ARHGAP15: variants seen among roughly 807,000 people sequenced by gnomAD.
ARHGAP15 encodes the protein rho GTPase-activating protein 15.
ARHGAP15 carries 51 observed loss-of-function variants against 63.7 expected under a neutral mutation model. The ratio of observed to expected loss-of-function variants is 0.80; its 90% CI spans 0.64 to 1.01. The LOEUF (loss-of-function observed/expected upper bound fraction) is 1.01, where lower values mean the gene tolerates loss of function less well. Ranked by LOEUF, ARHGAP15 falls within the 50% of genes least tolerant of loss-of-function variation. ARHGAP15 has a pLI of 0.00. For missense variants in ARHGAP15, 560 were observed against 564.6 expected, an observed-to-expected ratio of 0.99 and a Z score of 0.08; for synonymous variants, 191 against 193.8, an observed-to-expected ratio of 0.99 and a Z score of 0.12.
chr2:143,416,926 C>T (rs991465331), intron 6 of ARHGAP15, among the ~76,000 whole-genome samples: 2 of 151,228 alleles, frequency 1.3e-5, no homozygotes, highest in Non-Finnish European at 2.9e-5. Context: ...TCACCTCTAA[C>T]CCCTCTTGGG....
chr2:143,150,821 G>C (rs562823887), intron 1 of ARHGAP15, among the ~76,000 whole-genome samples: 1 of 151,874 alleles, frequency 6.6e-6, no homozygotes, highest in Non-Finnish European at 1.5e-5. Flanking sequence ...GACATGAGTG[G>C]GTAACGTGTT....
At chr2:143,607,234 C>T (rs1264250822) in intron 11 of ARHGAP15, among the ~76,000 whole-genome samples, 2 of 152,150 alleles carry the variant, frequency 1.3e-5, no homozygotes, top group Non-Finnish European at 2.9e-5. Context: ...GAGAAGACAA[C>T]TCAAAAAGAG....
At chr2:143,568,264 C>T (rs1275787016) in intron 11 of ARHGAP15, among the ~76,000 whole-genome samples, 1 of 152,160 alleles carries the variant, frequency 6.6e-6, no homozygotes, top group Non-Finnish European at 1.5e-5. Context: ...TTTTTGCAAT[C>T]TACCCATCTG....
chr2:143,666,492 T>G (rs1682194620), intron 12 of ARHGAP15, among the ~76,000 whole-genome samples: 1 of 149,422 alleles, frequency 6.7e-6, no homozygotes, highest in Non-Finnish European at 1.5e-5. Context: ...GCATTACCAT[T>G]CAGGACATAG....
chr2:143,367,375 A>C (rs1295707605), intron 6 of ARHGAP15, among the ~76,000 whole-genome samples: 1 of 151,792 alleles, frequency 6.6e-6, no homozygotes, highest in Non-Finnish European at 1.5e-5. Context: ...TTTATTTGCC[A>C]TCTTTCCTTT....
chr2:143,711,579 C>G (rs556916650), intron 13 of ARHGAP15, among the ~76,000 whole-genome samples: 2 of 152,136 alleles, frequency 1.3e-5, no homozygotes, highest in African/African-American at 4.8e-5. Flanking sequence ...GAGCCTCTAA[C>G]GTTGTAAACA....
intron 12 of ARHGAP15, among the ~76,000 whole-genome samples, chr2:143,660,630 G>T (rs1203911442): frequency 1.3e-5 from 2 of 152,170 alleles, no homozygotes; most frequent in Non-Finnish European, 2.9e-5. Flanking sequence ...CTGTACATGT[G>T]ATGGATCTCC....
At chr2:143,584,204 A>G (rs1052409196) in intron 11 of ARHGAP15, among the ~76,000 whole-genome samples, 10 of 152,284 alleles carry the variant, frequency 6.6e-5, no homozygotes, top group South Asian at 2.1e-4. Flanking sequence ...GTAAAGACCA[A>G]TCTTCTTTGA....
intron 12 of ARHGAP15, among the ~76,000 whole-genome samples, chr2:143,647,847 G>A (rs1009862083): frequency 2.6e-5 from 4 of 152,012 alleles, no homozygotes; most frequent in Non-Finnish European, 5.9e-5. Context: ...GTCCCAGTGT[G>A]AGAAATAAAT....
chr2:143,295,527 T>C (rs1295106602), intron 6 of ARHGAP15: 2 of 151,996 alleles, frequency 1.3e-5, no homozygotes, highest in Non-Finnish European at 2.9e-5. Context: ...TCACCACACA[T>C]AAATTACCAA....
chr2:143,297,060 A>T (rs1013360037), intron 6 of ARHGAP15, among the ~76,000 whole-genome samples: 1 of 151,990 alleles, frequency 6.6e-6, no homozygotes, highest in Admixed American at 6.6e-5. Context: ...AAGCAGAAAG[A>T]AAAAAGGTAC....
chr2:143,458,283 TG>T (rs760990372), intron 8 of ARHGAP15, among the ~76,000 whole-genome samples: 8 of 152,128 alleles, frequency 5.3e-5, no homozygotes, highest in Non-Finnish European at 8.8e-5. Flanking sequence ...ACTCAAGTAA[TG>T]ATCAAGGAAC....
chr2:143,431,468 A>G (rs1217302575), intron 6 of ARHGAP15, among the ~76,000 whole-genome samples: 4 of 152,054 alleles, frequency 2.6e-5, no homozygotes, highest in African/African-American at 7.2e-5. Context: ...TTTGCATACC[A>G]AGTGGTGGTA....
chr2:143,448,726 T>C (rs1690258864), intron 8 of ARHGAP15, among the ~76,000 whole-genome samples: 1 of 151,886 alleles, frequency 6.6e-6, no homozygotes, highest in African/African-American at 2.4e-5. Context: ...ACTCTAGATA[T>C]AATCCATGGA....
At chr2:143,357,701 A>G (rs1343826710) in intron 6 of ARHGAP15, among the ~76,000 whole-genome samples, 1 of 152,202 alleles carries the variant, frequency 6.6e-6, no homozygotes, top group African/African-American at 2.4e-5. Context: ...TGAGTATAGT[A>G]AAAATTAATA....
chr2:143,311,065 A>G (rs1683423797), intron 6 of ARHGAP15, among the ~76,000 whole-genome samples: 1 of 152,034 alleles, frequency 6.6e-6, no homozygotes, highest in South Asian at 2.1e-4. Flanking sequence ...TGAACTTCAC[A>G]TAATATGAAC....
At chr2:143,370,854 A>C (rs1487149236) in intron 6 of ARHGAP15, among the ~76,000 whole-genome samples, 1 of 152,170 alleles carries the variant, frequency 6.6e-6, no homozygotes, top group Non-Finnish European at 1.5e-5. Context: ...TTGTAAACCC[A>C]TGTTAAAAGT....
At chr2:143,635,647 T>A (rs1280092420) in intron 12 of ARHGAP15, among the ~76,000 whole-genome samples, 1 of 152,094 alleles carries the variant, frequency 6.6e-6, no homozygotes. Flanking sequence ...GTTGGAACAG[T>A]GGAATATCCA....
chr2:143,354,237 G>C (rs918893592), intron 6 of ARHGAP15, among the ~76,000 whole-genome samples: 1 of 152,136 alleles, frequency 6.6e-6, no homozygotes, highest in Non-Finnish European at 1.5e-5. Flanking sequence ...TCCCTCCAAG[G>C]AACCGCGTTC....
Sources: allele counts gnomAD v4.1 joint callset (sites outside exome capture counted in the v4.1 genomes callset), GRCh38; gene constraint gnomAD v4.1.1; transcripts MANE v1.5; gene names NCBI Gene and HGNC (gene_info 2026-07-23, HGNC 2026-07-21).